The following EVI5 variants were observed in gnomAD, a reference collection of about 807,000 sequenced individuals.
EVI5 encodes the protein ecotropic viral integration site 5 protein homolog.
Under a neutral mutation model 112.0 loss-of-function variants are expected in EVI5, and 73 were observed. The ratio of observed to expected loss-of-function variants is 0.65; its 90% CI spans 0.54 to 0.79. The LOEUF (loss-of-function observed/expected upper bound fraction) is 0.79. Among genes scored for constraint, EVI5 ranks in the 30% least tolerant of loss-of-function variants. The pLI, the probability that EVI5 is intolerant of heterozygous loss-of-function variation, is 0.00. For synonymous variants in EVI5, 305 were observed against 319.9 expected (o/e 0.95, Z 0.50); for missense variants, 900 against 968.8 (o/e 0.93, Z 0.94).
chr1:92,689,762 T>C (rs1048978600), intron 9 of EVI5, among the ~76,000 whole-genome samples: 2 of 152,252 alleles, frequency 1.3e-5, no homozygotes, highest in African/African-American at 4.8e-5. Context: ...TTTGCAACCT[T>C]AAAACATTCT....
In EVI5 at chr1:92,768,979, T is replaced by C. The variant is rs567747043; in HGVS notation, c.-82+15857A>G. 2.6e-5 allele frequency among the ~76,000 whole-genome samples: 4 copies of C among 152,262 alleles called. No individual in the cohort carries two copies. The East Asian group carries it at 7.7e-4, about 29-fold the overall frequency. On this transcript the variant is annotated intron_variant, in intron 1 of 19. Coordinates refer to ENST00000684568, the MANE Select transcript of EVI5 (RefSeq NM_001350197.2). The stretch of plus-strand genomic sequence containing the variant: ...CCCATAGCTAAGCAACTACAAAAAA[T>C]GTTTAGCTTTTCACTCTTTCCTTTC...
chr1:92,791,118 C>G (rs2103162590), intron 1 of EVI5, among the ~76,000 whole-genome samples: 1 of 152,266 alleles, frequency 6.6e-6, no homozygotes, highest in South Asian at 2.1e-4. Flanking sequence ...AATGGGACAT[C>G]AATAGTGTGC....
At chr1:92,766,909 C>A (rs1157670982) in intron 1 of EVI5, among the ~76,000 whole-genome samples, 3 of 152,088 alleles carry the variant, frequency 2.0e-5, no homozygotes, top group African/African-American at 7.2e-5. Flanking sequence ...TGGTGAAACT[C>A]TGTCCCTACT....
At chr1:92,781,725 T>C (rs941448352) in intron 1 of EVI5, among the ~76,000 whole-genome samples, 1 of 151,478 alleles carries the variant, frequency 6.6e-6, no homozygotes, top group African/African-American at 2.4e-5. Context: ...GAGGCTGGTG[T>C]AGGTGTATGA....
rs567833739 is a variant in EVI5, at chr1:92,653,705, C to G, written c.1392+9014G>C. Among the ~76,000 whole-genome samples the G allele has an allele frequency of 8.5e-5, 13 of 152,344 alleles. No individual in the cohort carries two copies. In the East Asian group the frequency reaches 2.5e-3, roughly 29 times the overall value. ...GTGCAAAAGGTGGGACCCCCTCCCC[C>G]TCTCCATGCAGAGCAGCAGCGTTCC... is the stretch of plus-strand genomic sequence containing the variant. On this transcript the variant is annotated intron_variant, in intron 13 of 19. Transcript: ENST00000684568.
At chr1:92,678,344 A>G (rs1667068998) in intron 9 of EVI5, among the ~76,000 whole-genome samples, 1 of 152,196 alleles carries the variant, frequency 6.6e-6, no homozygotes, top group Non-Finnish European at 1.5e-5. Flanking sequence ...CAGCCTGGGC[A>G]ACATGGTGAA....
At chr1:92,775,744 T>C (rs1684032374) in intron 1 of EVI5, among the ~76,000 whole-genome samples, 1 of 152,102 alleles carries the variant, frequency 6.6e-6, no homozygotes, top group Non-Finnish European at 1.5e-5. Context: ...TAACTTGTGG[T>C]AGAAAGAAAA....
intron 14 of EVI5, among the ~76,000 whole-genome samples, chr1:92,626,287 A>G (rs1027777646): frequency 2.0e-5 from 3 of 152,212 alleles, no homozygotes; most frequent in Non-Finnish European, 4.4e-5. Flanking sequence ...GACATTTCTT[A>G]TAAGTGGAAT....
chr1:92,694,955 T>A (rs1558090147), intron 7 of EVI5, among the ~76,000 whole-genome samples: 1 of 152,182 alleles, frequency 6.6e-6, no homozygotes, highest in African/African-American at 2.4e-5. Context: ...AAATTTTACC[T>A]CTCACTAACT....
chr1:92,700,723 G>C (rs1450233002), intron 5 of EVI5: 2 of 152,030 alleles, frequency 1.3e-5, no homozygotes, highest in African/African-American at 4.8e-5. Context: ...ATGCCCAAGA[G>C]AAATGACTAC....
chr1:92,561,608 CCTATCTATCTAT>C (rs80355191), intron 19 of EVI5, among the ~76,000 whole-genome samples: 4,367 of 132,016 alleles, frequency 0.033, 94 homozygotes, highest in African/African-American at 0.049. Context: ...TCTAATCTAT[CCTATCTATCTAT>C]CTATCTATCT....
intron 9 of EVI5, among the ~76,000 whole-genome samples, chr1:92,692,703 T>TTAA (rs1669687573): frequency 6.6e-6 from 1 of 152,160 alleles, no homozygotes; most frequent in Non-Finnish European, 1.5e-5. Flanking sequence ...GCTAACTAAT[T>TTAA]TTAATAACAT....
chr1:92,614,418 T>G (rs1652568487), intron 16 of EVI5, among the ~76,000 whole-genome samples: 1 of 152,180 alleles, frequency 6.6e-6, no homozygotes, highest in Admixed American at 6.5e-5. Context: ...AAGTGTCAAC[T>G]TGATTGGATT....
chr1:92,672,753 C>G (rs926383360), intron 10 of EVI5, among the ~76,000 whole-genome samples: 1 of 152,122 alleles, frequency 6.6e-6, no homozygotes, highest in Non-Finnish European at 1.5e-5. Flanking sequence ...TTGAATAAAT[C>G]AGGCTAGCAT....
chr1:92,525,266 C>CATTT (rs1557711741), intron 19 of EVI5, among the ~76,000 whole-genome samples: 1 of 56,934 alleles, frequency 1.8e-5, no homozygotes, highest in Admixed American at 2.3e-4. Context: ...AATGACAATG[C>CATTT]CTTTTTTTTT....
chr1:92,677,228 GAA>G lies in EVI5; in HGVS notation c.1098-12_1098-11del. On this transcript the variant is annotated splice_polypyrimidine_tract_variant and intron_variant, in intron 9 of 19. Coordinates refer to ENST00000684568, the MANE Select transcript of EVI5 (RefSeq NM_001350197.2). ...GTATTCCTTTTCAAGCCTAAGAAAG[GAA>G]AAAAAAAGAGTTAAAGGTAATGTTT... 7.1e-7 allele frequency: 1 copy of G among 1,405,450 alleles called. No individual in the cohort carries two copies. The highest frequency in any genetic ancestry group is 9.7e-7 in the Non-Finnish European group (1 of 1,030,394). The allele number at this position is 1,405,450 out of a possible 1,614,324, so 87.1% of individuals were successfully genotyped here.
intron 1 of EVI5, among the ~76,000 whole-genome samples, chr1:92,766,096 AAATAATAATAAT>A (rs71091300): frequency 0.019 from 2,699 of 140,942 alleles, 37 homozygotes; most frequent in Middle Eastern, 0.029. Flanking sequence ...AGACCCTGCA[AAATAATAATAAT>A]AATAATAATA....
In EVI5 at chr1:92,624,213, C is replaced by G; in HGVS notation, c.1790G>C (p.Arg597Thr). 1 of 1,613,708 alleles carries G rather than the reference C, an allele frequency of 6.2e-7. No homozygotes were observed. The highest frequency in any genetic ancestry group is 8.5e-7 in the Non-Finnish European group (1 of 1,179,810). ...LREAETQAEIREIKQRMMEME... is the reference protein window; with the variant it reads ...LREAETQAEITEIKQRMMEME... Reference sequence around the variant, plus strand: ...TTCCATCATCCTTTGTTTTATTTCTCTTATTTCTGCTTGTGTTTCAGCTTC... The same window carrying G: ...TTCCATCATCCTTTGTTTTATTTCTGTTATTTCTGCTTGTGTTTCAGCTTC... The change falls in exon 16 of 20, where the codon AGA becomes ACA. Residue 597 changes from arginine (R) to threonine (T), a missense_variant. Coordinates refer to ENST00000684568, the MANE Select transcript of EVI5 (RefSeq NM_001350197.2).
At chr1:92,726,895 C>G (rs546204318) in intron 2 of EVI5, among the ~76,000 whole-genome samples, 1 of 152,092 alleles carries the variant, frequency 6.6e-6, no homozygotes, top group East Asian at 1.9e-4. Flanking sequence ...TAAATCTTAA[C>G]ACAACCACCA....
Sources: allele counts gnomAD v4.1 joint callset (sites outside exome capture counted in the v4.1 genomes callset), GRCh38; gene constraint gnomAD v4.1.1; transcripts MANE v1.5; gene names NCBI Gene and HGNC (gene_info 2026-07-23, HGNC 2026-07-21).